ARRB1: variants seen among roughly 807,000 people sequenced by gnomAD.
The protein encoded by ARRB1 is beta-arrestin-1.
A neutral mutation model predicts 56.8 loss-of-function variants in ARRB1; 21 were observed. The ratio of observed to expected loss-of-function variants is 0.37; its 90% CI spans 0.26 to 0.53. ARRB1 has a LOEUF of 0.53. Among genes scored for constraint, ARRB1 ranks in the 20% least tolerant of loss-of-function variants. The pLI is 0.88. For synonymous variants in ARRB1, 210 were observed against 218.6 expected (o/e 0.96, Z 0.35); for missense variants, 424 against 553.7 (o/e 0.77, Z 2.35).
In ARRB1 at chr11:75,343,127, C is replaced by T. The variant is rs115091664; in HGVS notation, c.20+8461G>A. 9.2e-3 allele frequency among the ~76,000 whole-genome samples: 1,405 copies of T among 152,278 alleles called. 22 individuals are homozygous for T. Among genetic ancestry groups the T allele is most frequent in the African/African-American group, 0.032 (1,337 of 41,548 alleles). ...GCTGGGGACAAGCAGATCCAGGGTG[C>T]TCTTGAAAAGTTCTTGACCTCACAA... On this transcript the variant is annotated intron_variant, in intron 1 of 15. Transcript: ENST00000420843.
At position 75,260,973 on chromosome 11, in the gene ARRB1, T is replaced by A. The variant is rs1289040155; in HGVS notation, c.*5190A>T. ...CTTCTCCTGCTGTGTCCCTTGGGCC[T>A]AGGCCAGGAAAGTGGGGTGCCAGAT... On this transcript the variant is annotated 3_prime_UTR_variant, in exon 16 of 16. Coordinates refer to ENST00000420843, the MANE Select transcript of ARRB1 (RefSeq NM_004041.5). 6.6e-6 allele frequency: 1 copy of A among 152,358 alleles called. No individual in the cohort carries two copies. Among genetic ancestry groups the A allele is most frequent in the Admixed American group, 6.5e-5 (1 of 15,274 alleles). 9.4% of individuals were successfully genotyped at this position (152,358 alleles called of 1,614,324 possible).
intron 1 of ARRB1, among the ~76,000 whole-genome samples, chr11:75,349,851 G>T (rs759309844): frequency 2.0e-5 from 3 of 152,226 alleles, no homozygotes; most frequent in Admixed American, 6.5e-5. Context: ...CAAAGCCTGG[G>T]CCTCCAGCAC....
intron 10 of ARRB1, among the ~76,000 whole-genome samples, chr11:75,275,122 A>ATTTT (rs1393595916): frequency 2.1e-5 from 3 of 140,382 alleles, no homozygotes; most frequent in East Asian, 2.0e-4. Flanking sequence ...ATTTAATTTA[A>ATTTT]ATTTATTTTA....
rs964273095 is a variant in ARRB1, at chr11:75,340,041, G to A, written c.20+11547C>T. On this transcript the variant is annotated intron_variant, in intron 1 of 15. Coordinates refer to ENST00000420843, the MANE Select transcript of ARRB1 (RefSeq NM_004041.5). The stretch of plus-strand genomic sequence containing the variant: ...TGCTCCATAAATCCCCTTCCCACTC[G>A]GAGAGAGACACACCACTGGGACAGG... Among the ~76,000 whole-genome samples the A allele has an allele frequency of 4.6e-5, 7 of 152,202 alleles. No homozygotes were observed. In the East Asian group the frequency reaches 1.2e-3, roughly 25 times the overall value.
At chr11:75,339,361 T>C (rs1055919569) in intron 1 of ARRB1, among the ~76,000 whole-genome samples, 4 of 152,254 alleles carry the variant, frequency 2.6e-5, no homozygotes, top group African/African-American at 9.6e-5. Flanking sequence ...CTTACTGTGA[T>C]GCCCTGTGGC....
At chr11:75,334,104 G>A (rs1947564083) in intron 1 of ARRB1, among the ~76,000 whole-genome samples, 1 of 152,104 alleles carries the variant, frequency 6.6e-6, no homozygotes, top group Non-Finnish European at 1.5e-5. Context: ...GGCCCAGGTG[G>A]GCAGACCACA....
At chr11:75,323,650 T>G (rs1414781147) in intron 1 of ARRB1, among the ~76,000 whole-genome samples, 3 of 151,940 alleles carry the variant, frequency 2.0e-5, no homozygotes, top group Non-Finnish European at 4.4e-5. Context: ...TAAGTGTACC[T>G]GGAGAGGAAA....
At chr11:75,314,797 G>A (rs868743962) in intron 1 of ARRB1, among the ~76,000 whole-genome samples, 3 of 152,010 alleles carry the variant, frequency 2.0e-5, no homozygotes, top group Admixed American at 6.5e-5. Context: ...TGTAGCGATG[G>A]GGTTTCACCA....
At chr11:75,337,786 CTTTTTTTTTTTT>C (rs71036046) in intron 1 of ARRB1, among the ~76,000 whole-genome samples, 13 of 38,452 alleles carry the variant, frequency 3.4e-4, no homozygotes, top group African/African-American at 7.6e-4. Context: ...ATTGAAATGT[CTTTTTTTTTTTT>C]TTTTTTTTTT....
At chr11:75,283,138 C>G (rs781064719) in intron 5 of ARRB1, 149 bp downstream of exon 5, 20 of 804,306 alleles carry the variant, frequency 2.5e-5, no homozygotes, top group Non-Finnish European at 3.6e-5. Context: ...TACCAGGTAA[C>G]ACAGGTGACA....
intron 1 of ARRB1, among the ~76,000 whole-genome samples, chr11:75,329,562 G>A (rs532322758): frequency 6.6e-6 from 1 of 152,178 alleles, no homozygotes; most frequent in South Asian, 2.1e-4. Flanking sequence ...CTTTGTGTAA[G>A]ATGGTGTGAC....
rs1945778882 is a variant in ARRB1 at position 75,261,173 on chromosome 11, A to G, written c.*4990T>C. 1 of 139,860 alleles carries G rather than the reference A, an allele frequency of 7.2e-6. No homozygotes were observed. Among genetic ancestry groups the G allele is most frequent in the Admixed American group, 7.5e-5 (1 of 13,368 alleles). The allele number at this position is 139,860 out of a possible 1,614,324, so 8.7% of individuals were successfully genotyped here. Reference sequence around the variant, plus strand: ...GGTGGGTTGGCTAGAAAAACCATCAACTATGTACGTGTGTGTGTGTGTGTG... The same window carrying G: ...GGTGGGTTGGCTAGAAAAACCATCAGCTATGTACGTGTGTGTGTGTGTGTG... On this transcript the variant is annotated 3_prime_UTR_variant, in exon 16 of 16. Transcript: ENST00000420843.
At chr11:75,337,093 T>A (rs993677109) in intron 1 of ARRB1, among the ~76,000 whole-genome samples, 41 of 152,240 alleles carry the variant, frequency 2.7e-4, no homozygotes, top group East Asian at 1.5e-3. Context: ...CTAAGCCTTA[T>A]TTAATTATCT....
chr11:75,298,521 A>C (rs1338965490), intron 1 of ARRB1, among the ~76,000 whole-genome samples: 1 of 152,244 alleles, frequency 6.6e-6, no homozygotes, highest in African/African-American at 2.4e-5. Flanking sequence ...GGCTATACTC[A>C]AAAGGAAGGA....
intron 12 of ARRB1, 33 bp downstream of exon 12, chr11:75,272,862 C>T (rs1398204887): frequency 6.2e-7 from 1 of 1,612,110 alleles, no homozygotes; most frequent in African/African-American, 1.3e-5. Flanking sequence ...CCCCTCTGCA[C>T]TCCGGGGTCT....
At chr11:75,351,446 G>A (rs957800951) in intron 1 of ARRB1, 142 bp downstream of exon 1, 4 of 1,305,948 alleles carry the variant, frequency 3.1e-6, no homozygotes, top group Non-Finnish European at 4.1e-6. Context: ...AGACCACACA[G>A]GAGACCTCGG....
chr11:75,337,316 T>C (rs757214336), intron 1 of ARRB1, among the ~76,000 whole-genome samples: 1 of 152,132 alleles, frequency 6.6e-6, no homozygotes, highest in South Asian at 2.1e-4. Context: ...CAGTGAGCTA[T>C]GATCGTGCCA....
At chr11:75,285,728 G>A (rs557469471) in intron 3 of ARRB1, among the ~76,000 whole-genome samples, 3 of 152,260 alleles carry the variant, frequency 2.0e-5, no homozygotes, top group East Asian at 3.9e-4. Flanking sequence ...GCACAAAGGG[G>A]GTGCTCTGTG....
At chr11:75,267,203 G>C (rs923491941) in intron 15 of ARRB1, among the ~76,000 whole-genome samples, 21 of 152,184 alleles carry the variant, frequency 1.4e-4, no homozygotes, top group Middle Eastern at 3.2e-3. Flanking sequence ...ACTGTCCGGT[G>C]ACTCGATGGC....
Sources: allele counts gnomAD v4.1 joint callset (sites outside exome capture counted in the v4.1 genomes callset), GRCh38; gene constraint gnomAD v4.1.1; transcripts MANE v1.5; gene names NCBI Gene and HGNC (gene_info 2026-07-23, HGNC 2026-07-21).